SLC44A4: variants seen among roughly 807,000 people sequenced by gnomAD.
SLC44A4 encodes solute carrier family 44 member 4.
In SLC44A4, 74 loss-of-function variants were observed where a neutral mutation model predicts 97.0. That is an observed-to-expected ratio of 0.76 (90% CI 0.63 to 0.93). SLC44A4 has a LOEUF of 0.93. SLC44A4 is among the 40% of genes least tolerant of loss of function. The pLI, the probability that SLC44A4 is intolerant of heterozygous loss-of-function variation, is 0.00. For synonymous variants in SLC44A4, 325 were observed against 363.8 expected, an observed-to-expected ratio of 0.89 and a Z score of 1.21; for missense variants, 799 against 902.9, an observed-to-expected ratio of 0.88 and a Z score of 1.48.
intron 13 of SLC44A4, among the ~76,000 whole-genome samples, chr6:31,868,657 G>A (rs1232147195): frequency 2.0e-5 from 3 of 152,146 alleles, no homozygotes; most frequent in South Asian, 2.1e-4. Flanking sequence ...TTAGCCTGGC[G>A]TGGTGTCATA....
At chr6:31,871,720 T>C (rs1296768788) in intron 7 of SLC44A4, among the ~76,000 whole-genome samples, 159 bp from the exon 8 acceptor site, 1 of 152,120 alleles carries the variant, frequency 6.6e-6, no homozygotes, top group East Asian at 1.9e-4. Context: ...GCTTCTGCCC[T>C]GTGGAGCCCA....
Position 31,864,717 on chromosome 6 carries a change from T to C in SLC44A4, c.1946A>G (p.Tyr649Cys), listed in dbSNP as rs773722853. 5.3e-5 allele frequency: 85 copies of C among 1,613,682 alleles called. 1 individual carries two copies. In the South Asian group the frequency reaches 8.1e-4, roughly 15 times the overall value. ...GCTGAAGAAGCCGCTGGCGATGACA[T>C]AGGCCCCCAGGATGGAGGTCTGGAA... is the stretch of plus-strand genomic sequence containing the variant. ...LPIMTSILGA[Y>C]VIASGFFSVF... The change falls in exon 20 of 21, where the codon TAT becomes TGT. Residue 649 changes from tyrosine to cysteine, a missense_variant. Around this residue, in one of 3 missense-constraint regions of SLC44A4, gnomAD observed 379 missense variants for 438.3 expected, o/e 0.86. Coordinates refer to ENST00000229729, the MANE Select transcript of SLC44A4 (RefSeq NM_025257.3).
rs1581832958 is a variant in SLC44A4, at chr6:31,865,111, G to A, written c.1761-31C>T. 3.1e-6 allele frequency: 5 copies of A among 1,611,062 alleles called. No individual in the cohort carries two copies. The East Asian group carries it at 1.1e-4, about 36-fold the overall frequency. ...CCAGAAGTTAGGGCAGGTTGAGGGTGAGAGGCCTGGCAATGCTGAGAGTGA... is the reference window on the plus strand; with the variant it reads ...CCAGAAGTTAGGGCAGGTTGAGGGTAAGAGGCCTGGCAATGCTGAGAGTGA... On this transcript the variant is annotated intron_variant, in intron 17 of 20. Coordinates refer to ENST00000229729, the MANE Select transcript of SLC44A4 (RefSeq NM_025257.3). The surrounding 1 kb of genome is among the most constrained non-coding windows in gnomAD (Gnocchi z 5.2).
At position 31,869,256 on chromosome 6, in the gene SLC44A4, A is replaced by G. The variant is rs1437068254; in HGVS notation, c.1132T>C (p.Tyr378His). 3.7e-6 allele frequency: 6 copies of G among 1,602,336 alleles called. No homozygotes were observed. The highest frequency in any genetic ancestry group is 4.3e-6 in the Non-Finnish European group (5 of 1,174,724). The change falls in exon 13 of 21, where the codon TAC becomes CAC. Residue 378 changes from tyrosine (Y) to histidine (H), a missense_variant and splice_region_variant. By Grantham distance (83) the Tyr-to-His change is moderately conservative. This residue lies in a region of SLC44A4 where 379 missense variants were observed against 438.3 expected (regional missense o/e 0.86). Transcript: ENST00000229729. Reference protein sequence around the residue: ...CIAYWAMTALYLATSGQPQYV... With the variant: ...CIAYWAMTALHLATSGQPQYV... The stretch of plus-strand genomic sequence containing the variant: ...TGGGGTTGCCCCGATGTAGCCAGGT[A>G]CCCAGAGGGGAGTCAAGGAAAGCAT...
rs1056090548 is a variant in SLC44A4 at position 31,874,902 on chromosome 6, G to C, written c.342+27C>G. On this transcript the variant is annotated intron_variant, in intron 5 of 20. Transcript: ENST00000229729. This position sits in a 1 kb window ranked among gnomAD's most constrained non-coding sequence, Gnocchi z 4.8. ...AACCTGAGACCCTGGGTGAGATCTG[G>C]GGTAGAGGCAGGTCCCAGGCTCTGA... 6.2e-7 allele frequency: 1 copy of C among 1,613,882 alleles called. No individual in the cohort carries two copies. Among genetic ancestry groups the C allele is most frequent in the Non-Finnish European group, 8.5e-7 (1 of 1,179,874 alleles).
chr6:31,875,369 C>T (rs971302257), intron 4 of SLC44A4, among the ~76,000 whole-genome samples: 3 of 152,134 alleles, frequency 2.0e-5, no homozygotes, highest in South Asian at 2.1e-4. Flanking sequence ...GATTTCAATG[C>T]GCTTGTGTGT....
Position 31,864,869 on chromosome 6 carries a change from GC to G in SLC44A4, c.1872del (p.Leu625TrpfsTer18). On this transcript the variant is annotated frameshift_variant, in exon 19 of 21. Transcript: ENST00000229729. LOFTEE classifies it high-confidence loss of function. ...SFFFFSGRIP[G>X]LGKDFKSPHL... ...TGGGGGCTCTTAAAGTCTTTACCCA[GC>G]CCCGGGATGCGACCGGAGAAAAAAA... 6.2e-7 allele frequency: 1 copy of G among 1,614,032 alleles called. No homozygotes were observed. The highest frequency in any genetic ancestry group is 8.5e-7 in the Non-Finnish European group (1 of 1,179,998).
In SLC44A4 at chr6:31,865,386, G is replaced by T. The variant is rs1315819759; in HGVS notation, c.1689C>A (p.Ile563=). 1.2e-6 allele frequency: 2 copies of T among 1,614,014 alleles called. No homozygotes were observed. The highest frequency in any genetic ancestry group is 2.2e-5 in the East Asian group (1 of 44,892). ...KFLNRNAYIM[I]AIYGKNFCVS... is the part of the protein sequence containing the mutation. ...CACAGAAATTCTTCCCGTAGATGGC[G>T]ATCTGAGGGAGGTGGAAAGGTCAGA... is the stretch of plus-strand genomic sequence containing the variant. Residue 563 remains isoleucine, a splice_region_variant and synonymous_variant, in exon 17 of 21, where the codon ATC becomes ATA. Transcript: ENST00000229729. This position sits in a 1 kb window ranked among gnomAD's most constrained non-coding sequence, Gnocchi z 5.2.
rs1763460259 is a variant in SLC44A4 at position 31,876,648 on chromosome 6, A to G, written c.89+386T>C. Among the ~76,000 whole-genome samples the G allele has an allele frequency of 6.6e-6, 1 of 152,138 alleles. No homozygotes were observed. The highest frequency in any genetic ancestry group is 3.2e-3 in the Middle Eastern group (1 of 316). On this transcript the variant is annotated intron_variant, in intron 2 of 20. Transcript: ENST00000229729. The surrounding 1 kb of genome is among the most constrained non-coding windows in gnomAD (Gnocchi z 4.8). ...CAGCTACTCGGAAGGCTAGGGCAGG[A>G]GGATCACTTGAGCACAGGAGTTCGA...
rs1335805327 is a variant in SLC44A4 at position 31,877,075 on chromosome 6, T to C, written c.48A>G (p.Pro16=). The C allele has an allele frequency of 1.2e-6, 2 of 1,610,216 alleles. No homozygotes were observed. The highest frequency in any genetic ancestry group is 1.7e-4 in the Middle Eastern group (1 of 6,054). ...CTCGAAAGGAGGGGTCGTATTTGACTGGCTTCCCTGAGGGACATGAGAAGA... is the reference window on the plus strand; with the variant it reads ...CTCGAAAGGAGGGGTCGTATTTGACCGGCTTCCCTGAGGGACATGAGAAGA... ...RDEDDEAYGK[P]VKYDPSFRGP... Residue 16 remains proline (P), a synonymous_variant, in exon 2 of 21, where the codon CCA becomes CCG. Coordinates refer to ENST00000229729, the MANE Select transcript of SLC44A4 (RefSeq NM_025257.3). This position sits in a 1 kb window ranked among gnomAD's most constrained non-coding sequence, Gnocchi z 6.5.
chr6:31,864,895 A>C lies in SLC44A4; in HGVS notation c.1847T>G (p.Phe616Cys). The change falls in exon 19 of 21, where the codon TTT becomes TGT. Residue 616 changes from phenylalanine (F) to cysteine (C), a missense_variant. This residue lies in a region of SLC44A4 where 379 missense variants were observed against 438.3 expected (regional missense o/e 0.86). Transcript: ENST00000229729. ...CCCCGGGATGCGACCGGAGAAAAAA[A>C]AGAAGGACAGGACCCCTGTGGAATA... Reference protein sequence around the residue: ...VVGGVGVLSFFFFSGRIPGLG... With the variant: ...VVGGVGVLSFCFFSGRIPGLG... 2 of 1,612,792 alleles carry C rather than the reference A, an allele frequency of 1.2e-6. No homozygotes were observed. Among genetic ancestry groups the C allele is most frequent in the Non-Finnish European group, 1.7e-6 (2 of 1,179,150 alleles).
At chr6:31,871,145 C>G in intron 9 of SLC44A4, 98 bp from the exon 10 acceptor site, 1 of 1,297,840 alleles carries the variant, frequency 7.7e-7, no homozygotes, top group Non-Finnish European at 1.1e-6. Flanking sequence ...ACCCAATGTC[C>G]CCAGATTAGG....
At chr6:31,869,083 C>T (rs1013803239) in intron 13 of SLC44A4, 72 bp downstream of exon 13, 1 of 1,276,654 alleles carries the variant, frequency 7.8e-7, no homozygotes, top group African/African-American at 1.5e-5. Flanking sequence ...CTTCTCTGCA[C>T]AATGAGGAAT....
Position 31,863,481 on chromosome 6 carries a change from C to G in SLC44A4, c.*146G>C, listed in dbSNP as rs1762662114. 2 of 1,180,650 alleles carry G rather than the reference C, an allele frequency of 1.7e-6. No individual in the cohort carries two copies. The highest frequency in any genetic ancestry group is 1.8e-5 in the South Asian group (1 of 54,116). 73.1% of individuals were successfully genotyped at this position (1,180,650 alleles called of 1,614,324 possible). ...ACTCAGGTGATCCGCCCGCCTCAGC[C>G]TCTCAAAGTGTTGGATTACAGGCGT... On this transcript the variant is annotated 3_prime_UTR_variant, in exon 21 of 21. Transcript: ENST00000229729.
In SLC44A4 at chr6:31,865,666, C is replaced by T; in HGVS notation, c.1582+24G>A. ...CCTAATGGCCTTCCCCAGCTCCTGA[C>T]TCCTACTCCGACTCCAGACTCACCT... On this transcript the variant is annotated intron_variant, in intron 15 of 20. Transcript: ENST00000229729. The surrounding 1 kb of genome is among the most constrained non-coding windows in gnomAD (Gnocchi z 5.2). The T allele has an allele frequency of 6.2e-7, 1 of 1,613,018 alleles. No homozygotes were observed. The highest frequency in any genetic ancestry group is 8.5e-7 in the Non-Finnish European group (1 of 1,179,884).
At chr6:31,869,097 G>T in intron 13 of SLC44A4, 58 bp downstream of exon 13, 17 of 1,375,094 alleles carry the variant, frequency 1.2e-5, no homozygotes, top group Non-Finnish European at 1.7e-5. Context: ...GAGGAATGTG[G>T]CCCCTACAGC....
In SLC44A4 at chr6:31,866,189, CG is replaced by C. The variant is rs1762864360; in HGVS notation, c.1234-64del. The C allele has an allele frequency of 5.1e-6, 8 of 1,570,854 alleles. No individual in the cohort carries two copies. The East Asian group carries it at 1.8e-4, about 35-fold the overall frequency. ...CGGGGGCCTCAGTATGGAGCCTGGGCGTCCCATTCCCAGTAGCTCCTGCCCC... is the reference window on the plus strand; with the variant it reads ...CGGGGGCCTCAGTATGGAGCCTGGGCTCCCATTCCCAGTAGCTCCTGCCCC... On this transcript the variant is annotated intron_variant, in intron 13 of 20. Coordinates refer to ENST00000229729, the MANE Select transcript of SLC44A4 (RefSeq NM_025257.3).
At chr6:31,871,144 C>A (rs975000494) in intron 9 of SLC44A4, 97 bp from the exon 10 acceptor site, 18 of 1,303,382 alleles carry the variant, frequency 1.4e-5, no homozygotes, top group Non-Finnish European at 1.8e-5. Flanking sequence ...CACCCAATGT[C>A]CCCAGATTAG....
chr6:31,875,984 T>A, intron 3 of SLC44A4, 54 bp from the exon 4 acceptor site: 1 of 1,612,918 alleles, frequency 6.2e-7, no homozygotes, highest in Non-Finnish European at 8.5e-7. Context: ...AGTGGGGCAG[T>A]TATGGGAATG....
Sources: allele counts gnomAD v4.1 joint callset (sites outside exome capture counted in the v4.1 genomes callset), GRCh38; gene constraint gnomAD v4.1.1; regional missense constraint gnomAD v4.1.1; non-coding constraint Gnocchi (gnomAD v3.1); transcripts MANE v1.5; gene names NCBI Gene and HGNC (gene_info 2026-07-23, HGNC 2026-07-21).